RBM39: variants seen among roughly 807,000 people sequenced by gnomAD.
The protein encoded by RBM39 is RNA-binding protein 39.
Under a neutral mutation model 79.6 loss-of-function variants are expected in RBM39, and 12 were observed. That is an observed-to-expected ratio of 0.15 (90% CI 0.10 to 0.24). RBM39 has a LOEUF of 0.24. Among genes scored for constraint, RBM39 ranks in the 10% least tolerant of loss-of-function variants. The pLI is 1.00. For synonymous variants in RBM39, 185 were observed against 208.4 expected, an observed-to-expected ratio of 0.89 and a Z score of 0.97; for missense variants, 243 against 653.4, an observed-to-expected ratio of 0.37 and a Z score of 6.85.
intron 3 of RBM39, among the ~76,000 whole-genome samples, chr20:35,733,406 A>C (rs1192620252): frequency 6.6e-6 from 1 of 151,984 alleles, no homozygotes; most frequent in Non-Finnish European, 1.5e-5. Flanking sequence ...TCAGGAGTTC[A>C]AGACCAGCCT....
intron 3 of RBM39, among the ~76,000 whole-genome samples, chr20:35,733,469 C>G (rs1209273647): frequency 6.6e-6 from 1 of 151,940 alleles, no homozygotes; most frequent in Non-Finnish European, 1.5e-5. Flanking sequence ...AGTAGTGGGT[C>G]GTGGTGGCAC....
At chr20:35,709,880 C>A (rs950424722) in intron 12 of RBM39, among the ~76,000 whole-genome samples, 1 of 151,912 alleles carries the variant, frequency 6.6e-6, no homozygotes. Flanking sequence ...GATTTCCTGG[C>A]CTAGTGTAAA....
Position 35,729,337 on chromosome 20 carries a change from A to T in RBM39, c.391T>A (p.Phe131Ile), listed in dbSNP as rs1224158665. ...CTCACAGGGCTCTTGTCTTTTCTGAATGGACTTTTGCTTCGGGAACGTCGT... is the reference window on the plus strand; with the variant it reads ...CTCACAGGGCTCTTGTCTTTTCTGATTGGACTTTTGCTTCGGGAACGTCGT... The part of the protein sequence containing the change: ...SRRRSRSKSP[F>I]RKDKSPVREP... Residue 131 changes from phenylalanine (F) to isoleucine (I), a missense_variant, in exon 6 of 17, where the codon TTC becomes ATC. Physicochemically the swap from Phe to Ile is conservative, Grantham distance 21 (BLOSUM62 0). Around this residue, in one of 4 missense-constraint regions of RBM39, gnomAD observed 115 missense variants for 184.1 expected, o/e 0.62. Coordinates refer to ENST00000253363, the MANE Select transcript of RBM39 (RefSeq NM_184234.3). The T allele has an allele frequency of 6.2e-7, 1 of 1,603,380 alleles. No homozygotes were observed. Among genetic ancestry groups the T allele is most frequent in the Non-Finnish European group, 8.5e-7 (1 of 1,177,674 alleles).
chr20:35,741,472 C>T (rs1383599915), intron 1 of RBM39: 1 of 152,372 alleles, frequency 6.6e-6, no homozygotes, highest in African/African-American at 2.4e-5. Context: ...GTAAGTAAAT[C>T]CAAAACGCCT....
intron 12 of RBM39, 42 bp downstream of exon 12, chr20:35,712,977 G>A: frequency 2.6e-6 from 4 of 1,548,910 alleles, no homozygotes; most frequent in Non-Finnish European, 3.5e-6. Context: ...TTTCGAATTA[G>A]ATGAAAAAAC....
intron 13 of RBM39, 57 bp from the exon 14 acceptor site, chr20:35,707,258 T>G: frequency 5.5e-6 from 7 of 1,276,112 alleles, no homozygotes; most frequent in Non-Finnish European, 7.8e-6. Context: ...GTATCCCTCA[T>G]AAATACTTTA....
At chr20:35,714,423 T>C in intron 10 of RBM39, 34 bp from the exon 11 acceptor site, 1 of 1,566,172 alleles carries the variant, frequency 6.4e-7, no homozygotes, top group Middle Eastern at 1.7e-4. Context: ...CAGGAGACAG[T>C]GCTTTAATTT....
intron 9 of RBM39, chr20:35,719,927 G>C: frequency 4.7e-6 from 1 of 212,168 alleles, no homozygotes; most frequent in Non-Finnish European, 1.0e-5. Flanking sequence ...GGATTAGAGG[G>C]ATGCGCCACC....
rs11470400 is a variant in RBM39 at position 35,729,076 on chromosome 20, AAAATAAATAAAT to A, written c.416+224_416+235del. ...GGGTGACTGAGTGAGACTCCGTCTC[AAAATAAATAAAT>A]AAATAAATAAATAAATATATAACTG... On this transcript the variant is annotated intron_variant, in intron 6 of 16. Transcript: ENST00000253363. Among the ~76,000 whole-genome samples, 74 of 150,136 alleles carry A rather than the reference AAAATAAATAAAT, an allele frequency of 4.9e-4. 1 individual carries two copies. In the East Asian group the frequency reaches 9.4e-3, roughly 19 times the overall value.
chr20:35,740,930 T>G (rs535367217), intron 1 of RBM39, 43 bp from the exon 2 acceptor site: 1 of 1,443,392 alleles, frequency 6.9e-7, no homozygotes. Flanking sequence ...ACATTTCTCT[T>G]ACAATGTGAA....
Position 35,702,839 on chromosome 20 carries a change from G to C in RBM39, c.*1642C>G, listed in dbSNP as rs1312382492. On this transcript the variant is annotated 3_prime_UTR_variant, in exon 17 of 17. Coordinates refer to ENST00000253363, the MANE Select transcript of RBM39 (RefSeq NM_184234.3). ...GGAGACTGAGGTGGGAGAATTGCTT[G>C]AACCTGGGAGATGGAGCTGAGATCA... 1 of 152,194 alleles carries C rather than the reference G, an allele frequency of 6.6e-6. No homozygotes were observed. The highest frequency in any genetic ancestry group is 2.4e-5 in the African/African-American group (1 of 41,432). The allele number at this position is 152,194 out of a possible 1,614,324, so 9.4% of individuals were successfully genotyped here.
chr20:35,704,399 A>C lies in RBM39; in HGVS notation c.*82T>G, dbSNP rs1255018571. 9.5e-7 allele frequency: 1 copy of C among 1,049,240 alleles called. No individual in the cohort carries two copies. Among genetic ancestry groups the C allele is most frequent in the East Asian group, 2.4e-5 (1 of 40,864 alleles). 65.0% of individuals were successfully genotyped at this position (1,049,240 alleles called of 1,614,324 possible). On this transcript the variant is annotated 3_prime_UTR_variant, in exon 17 of 17. Coordinates refer to ENST00000253363, the MANE Select transcript of RBM39 (RefSeq NM_184234.3). The stretch of plus-strand genomic sequence containing the variant: ...AATGACAGTAGATCCTTGCCTCTTT[A>C]TTTTTATCTAAATAAAAGATAACTC...
intron 13 of RBM39, chr20:35,707,877 C>CAGTT: frequency 2.1e-6 from 1 of 465,524 alleles, no homozygotes; most frequent in Non-Finnish European, 4.4e-6. Context: ...TTTTCCAAGA[C>CAGTT]AGTTGCTCCA....
rs1210155301 is a variant in RBM39, at chr20:35,724,714, A to G, written c.543T>C (p.Asp181=). ...AATTTCTGTCAGAAATCATCCTCAC[A>G]TCTCGAACCTAGAAAGAAAACACAG... ...EFFSTVGKVR[D]VRMISDRNSR... The change falls in exon 8 of 17, where the codon GAT becomes GAC. Residue 181 remains aspartate, a synonymous_variant. Transcript: ENST00000253363. 6.2e-7 allele frequency: 1 copy of G among 1,613,912 alleles called. No homozygotes were observed.
intron 3 of RBM39, chr20:35,734,200 A>C: frequency 7.7e-7 from 1 of 1,302,576 alleles, no homozygotes; most frequent in South Asian, 1.2e-5. Flanking sequence ...TGGAATCTTG[A>C]AACCCACACT....
intron 3 of RBM39, chr20:35,735,159 T>C (rs2039775516): frequency 7.2e-7 from 1 of 1,387,306 alleles, no homozygotes; most frequent in African/African-American, 1.5e-5. Context: ...AGCCAATATA[T>C]TTCAACTGTG....
intron 4 of RBM39, chr20:35,731,437 A>G (rs2146684282): frequency 6.5e-6 from 1 of 154,080 alleles, no homozygotes; most frequent in South Asian, 2.0e-4. Flanking sequence ...TTTATCAATG[A>G]GCATACACAA....
intron 11 of RBM39, 126 bp from the exon 12 acceptor site, chr20:35,713,222 G>A (rs1220582897): frequency 6.9e-6 from 5 of 722,510 alleles, no homozygotes; most frequent in South Asian, 2.1e-5. Context: ...GGTGGTTGAC[G>A]CCTGTAACTT....
At chr20:35,739,123 CTAAT>C (rs2040274326) in intron 2 of RBM39, 106 bp from the exon 3 acceptor site, 8 of 962,016 alleles carry the variant, frequency 8.3e-6, no homozygotes, top group Admixed American at 2.2e-5. Flanking sequence ...AATTTTAAAA[CTAAT>C]TATTTACTTA....
Sources: allele counts gnomAD v4.1 joint callset (sites outside exome capture counted in the v4.1 genomes callset), GRCh38; gene constraint gnomAD v4.1.1; regional missense constraint gnomAD v4.1.1; transcripts MANE v1.5; gene names NCBI Gene and HGNC (gene_info 2026-07-23, HGNC 2026-07-21).